The following ENAH variants were observed in gnomAD, a reference collection of about 807,000 sequenced individuals.
ENAH encodes ENAH actin regulator.
In ENAH, 23 loss-of-function variants were observed where a neutral mutation model predicts 78.7. That is an observed-to-expected ratio of 0.29 (90% CI 0.21 to 0.41). The LOEUF is 0.41. Among genes scored for constraint, ENAH ranks in the 10% least tolerant of loss-of-function variants. ENAH has a pLI of 1.00. For missense variants in ENAH, 544 were observed against 691.0 expected, an observed-to-expected ratio of 0.79 and a Z score of 2.39; for synonymous variants, 226 against 241.0, an observed-to-expected ratio of 0.94 and a Z score of 0.58.
At chr1:225,603,460 G>A (rs1290787293) in intron 1 of ENAH, among the ~76,000 whole-genome samples, 1 of 152,000 alleles carries the variant, frequency 6.6e-6, no homozygotes, top group Non-Finnish European at 1.5e-5. Flanking sequence ...CTCAAAAATA[G>A]TCAATGAAAG....
chr1:225,501,806 C>A (rs1002400012), intron 11 of ENAH, among the ~76,000 whole-genome samples: 1 of 152,092 alleles, frequency 6.6e-6, no homozygotes, highest in African/African-American at 2.4e-5. Context: ...ATTGCACTTT[C>A]AAAAGTTTAG....
chr1:225,517,439 G>T, intron 5 of ENAH, 133 bp from the exon 6 acceptor site: 1 of 1,551,722 alleles, frequency 6.4e-7, no homozygotes, highest in Non-Finnish European at 8.7e-7. Context: ...GGCGGCGGAG[G>T]AGCTGCTGGC....
In ENAH at chr1:225,514,823, G is replaced by A; in HGVS notation, c.991C>T (p.Pro331Ser). The A allele has an allele frequency of 7.0e-6, 11 of 1,576,582 alleles. No homozygotes were observed. Among genetic ancestry groups the A allele is most frequent in the Non-Finnish European group, 9.4e-6 (11 of 1,166,392 alleles). The change falls in exon 7 of 14, where the codon CCT becomes TCT. Residue 331 changes from proline (P) to serine (S), a missense_variant. This residue lies in a region of ENAH where 366 missense variants were observed against 396.1 expected (regional missense o/e 0.92). Transcript: ENST00000366843. ...PGPAQASVAL[P>S]PPPGPPPPPP... ...GGTGGAGGGGGCCCTGGGGGAGGAG[G>A]GAGGGCTACTGAAGCCTGTGCAGGC...
chr1:225,517,793 G>A (rs2096433435), intron 5 of ENAH: 2 of 1,551,326 alleles, frequency 1.3e-6, no homozygotes, highest in Non-Finnish European at 1.7e-6. Flanking sequence ...GTTGCAAAAC[G>A]TGTCGCTGAG....
chr1:225,622,476 A>G (rs1397318487), intron 1 of ENAH, among the ~76,000 whole-genome samples: 3 of 152,190 alleles, frequency 2.0e-5, no homozygotes, highest in Non-Finnish European at 4.4e-5. Context: ...TTGATAAGCT[A>G]TGTGTCTTAG....
At chr1:225,614,605 T>A (rs1017582656) in intron 1 of ENAH, among the ~76,000 whole-genome samples, 21 of 152,148 alleles carry the variant, frequency 1.4e-4, no homozygotes, top group Non-Finnish European at 5.9e-5. Flanking sequence ...TATCAACTCA[T>A]CCTTCAGGCT....
At chr1:225,547,534 C>T (rs1247638184) in intron 3 of ENAH, among the ~76,000 whole-genome samples, 2 of 152,202 alleles carry the variant, frequency 1.3e-5, no homozygotes, top group Non-Finnish European at 2.9e-5. Flanking sequence ...CACTCAGGAA[C>T]TGAATGCTTG....
At chr1:225,570,246 C>T (rs2096754604) in intron 1 of ENAH, among the ~76,000 whole-genome samples, 1 of 152,040 alleles carries the variant, frequency 6.6e-6, no homozygotes, top group African/African-American at 2.4e-5. Flanking sequence ...ATGGCACTGC[C>T]TGCTAGGGTT....
chr1:225,548,847 ATTTTT>A (rs11392563), intron 3 of ENAH, among the ~76,000 whole-genome samples: 1 of 139,360 alleles, frequency 7.2e-6, no homozygotes, highest in East Asian at 2.1e-4. Context: ...TAGTGAACAG[ATTTTT>A]TTTTTTTTTT....
intron 1 of ENAH, among the ~76,000 whole-genome samples, chr1:225,570,684 G>A (rs1476218194): frequency 3.3e-5 from 5 of 151,902 alleles, no homozygotes; most frequent in South Asian, 2.1e-4. Context: ...TGGGCCAGGC[G>A]TGGTGGCTCA....
At chr1:225,622,395 C>T (rs1657147156) in intron 1 of ENAH, among the ~76,000 whole-genome samples, 1 of 152,090 alleles carries the variant, frequency 6.6e-6, no homozygotes, top group East Asian at 1.9e-4. Context: ...AGAGACCAGA[C>T]TGGGCAATAT....
In ENAH at chr1:225,606,134, T is replaced by TA. The variant is rs952453250; in HGVS notation, c.6-38721dup. On this transcript the variant is annotated intron_variant, in intron 1 of 13. Transcript: ENST00000366843. ...TACTTTTAATGTTATATTAGACCAT[T>TA]AAAAAAAATACACCTGAATGTGACC... 7.4e-4 allele frequency among the ~76,000 whole-genome samples: 112 copies of TA among 151,922 alleles called. 1 individual carries two copies. The highest frequency in any genetic ancestry group is 2.5e-3 in the African/African-American group (104 of 41,446).
At chr1:225,549,358 T>TC (rs2151387031) in intron 3 of ENAH, among the ~76,000 whole-genome samples, 1 of 152,274 alleles carries the variant, frequency 6.6e-6, no homozygotes, top group African/African-American at 2.4e-5. Context: ...TATTTCCTCT[T>TC]CCATCCTCTT....
chr1:225,576,564 G>A (rs1335781665), intron 1 of ENAH, among the ~76,000 whole-genome samples: 1 of 152,144 alleles, frequency 6.6e-6, no homozygotes, highest in African/African-American at 2.4e-5. Flanking sequence ...ATTATCTGCT[G>A]GGGCATGCTT....
At chr1:225,506,944 C>T (rs530363767) in intron 11 of ENAH, among the ~76,000 whole-genome samples, 24 of 151,954 alleles carry the variant, frequency 1.6e-4, no homozygotes, top group African/African-American at 5.5e-4. Context: ...AGGCAAATAG[C>T]TCAGAAAGAA....
At chr1:225,601,944 A>G (rs2096933272) in intron 1 of ENAH, among the ~76,000 whole-genome samples, 1 of 152,032 alleles carries the variant, frequency 6.6e-6, no homozygotes, top group African/African-American at 2.4e-5. Flanking sequence ...CCTAACAAAG[A>G]AAAGCCAAAT....
At chr1:225,604,729 G>C (rs115349399) in intron 1 of ENAH, among the ~76,000 whole-genome samples, 1 of 152,176 alleles carries the variant, frequency 6.6e-6, no homozygotes, top group Admixed American at 6.5e-5. Flanking sequence ...TGAGGCAGGG[G>C]TTGCAGTAAG....
intron 4 of ENAH, 89 bp from the exon 5 acceptor site, chr1:225,519,654 G>C (rs1419542945): frequency 6.6e-7 from 1 of 1,518,312 alleles, no homozygotes; most frequent in Non-Finnish European, 8.8e-7. Context: ...AACTATTTCT[G>C]AGTCAAATAA....
intron 4 of ENAH, among the ~76,000 whole-genome samples, chr1:225,528,394 C>T (rs1392748320): frequency 6.6e-6 from 1 of 152,088 alleles, no homozygotes; most frequent in East Asian, 1.9e-4. Context: ...ATGGTGTACA[C>T]AGAGACAGTC....
Sources: allele counts gnomAD v4.1 joint callset (sites outside exome capture counted in the v4.1 genomes callset), GRCh38; gene constraint gnomAD v4.1.1; regional missense constraint gnomAD v4.1.1; transcripts MANE v1.5; gene names NCBI Gene and HGNC (gene_info 2026-07-23, HGNC 2026-07-21).